PRKN: variants seen among roughly 807,000 people sequenced by gnomAD.
PRKN encodes parkin RBR E3 ubiquitin protein ligase, also known as E3 ubiquitin-protein ligase parkin.
A neutral mutation model predicts 59.5 loss-of-function variants in PRKN; 56 were observed. The observed-to-expected ratio is 0.94, with a 90% CI of 0.76 to 1.18. The LOEUF (loss-of-function observed/expected upper bound fraction) is 1.18. Ranked by LOEUF, PRKN falls within the 50% of genes most tolerant of loss-of-function variation. The pLI, the probability that PRKN is intolerant of heterozygous loss-of-function variation, is 0.00. For missense variants in PRKN, 657 were observed against 596.4 expected (o/e 1.10, Z -1.06); for synonymous variants, 250 against 222.1 (o/e 1.13, Z -1.12).
intron 9 of PRKN, among the ~76,000 whole-genome samples, chr6:161,535,569 C>T (rs1002005762): frequency 6.6e-6 from 1 of 152,200 alleles, no homozygotes; most frequent in Non-Finnish European, 1.5e-5. Flanking sequence ...GCACATCGCA[C>T]CCCGAATACA....
At position 161,524,000 on chromosome 6, in the gene PRKN, A is replaced by C. The variant is rs151188953; in HGVS notation, c.1083+24854T>G. On this transcript the variant is annotated intron_variant, in intron 9 of 11. Transcript: ENST00000366898. ...GAAAAAAATGAACACAATTCAATCC[A>C]TGAATTAAAAAAATTTTTTTTCCTA... 5.3e-5 allele frequency among the ~76,000 whole-genome samples: 8 copies of C among 152,294 alleles called. No homozygotes were observed. The East Asian group carries it at 1.5e-3, about 29-fold the overall frequency.
Position 162,007,712 on chromosome 6 carries a change from A to C in PRKN, c.619-34295T>G, listed in dbSNP as rs1023689094. ...CTTAATGATATGATATTGGAAGGAA[A>C]AAAAATAAGGAAAACGGCTTAGCAT... On this transcript the variant is annotated intron_variant, in intron 5 of 11. Transcript: ENST00000366898. 7.9e-5 allele frequency among the ~76,000 whole-genome samples: 12 copies of C among 152,312 alleles called. No homozygotes were observed. The East Asian group carries it at 2.1e-3, about 27-fold the overall frequency.
At chr6:162,478,399 A>G (rs1792129658) in intron 1 of PRKN, among the ~76,000 whole-genome samples, 1 of 152,186 alleles carries the variant, frequency 6.6e-6, no homozygotes, top group African/African-American at 2.4e-5. Flanking sequence ...ATGTCTGTTC[A>G]TTAAACGCAC....
chr6:162,008,544 C>T (rs1030153813), intron 5 of PRKN, among the ~76,000 whole-genome samples: 1 of 152,138 alleles, frequency 6.6e-6, no homozygotes, highest in Non-Finnish European at 1.5e-5. Context: ...GAAGCTGCAG[C>T]AGGAACTTGA....
At chr6:161,923,870 G>GC (rs1778871723) in intron 6 of PRKN, among the ~76,000 whole-genome samples, 1 of 152,102 alleles carries the variant, frequency 6.6e-6, no homozygotes, top group South Asian at 2.1e-4. Flanking sequence ...TTCCCTGTCT[G>GC]CCTGGTACTC....
chr6:162,439,340 T>C (rs1789938291), intron 2 of PRKN, among the ~76,000 whole-genome samples: 1 of 134,750 alleles, frequency 7.4e-6, no homozygotes, highest in Admixed American at 7.6e-5. Context: ...TACCCCTCCC[T>C]TCTCTCTCTC....
At chr6:162,699,969 T>C (rs9365480) in intron 1 of PRKN, among the ~76,000 whole-genome samples, 1 of 152,144 alleles carries the variant, frequency 6.6e-6, no homozygotes, top group African/African-American at 2.4e-5. Context: ...AGAACCCTGA[T>C]GAACTTCATC....
intron 4 of PRKN, among the ~76,000 whole-genome samples, chr6:162,150,843 AT>A (rs1238228382): frequency 7.2e-5 from 11 of 152,094 alleles, no homozygotes; most frequent in African/African-American, 2.4e-4. Context: ...AGTGTTATTT[AT>A]TCTCCCCCAC....
chr6:162,219,414 A>G (rs1777838465), intron 3 of PRKN, among the ~76,000 whole-genome samples: 1 of 152,136 alleles, frequency 6.6e-6, no homozygotes, highest in Non-Finnish European at 1.5e-5. Context: ...TATTGGCTTT[A>G]TTTCATTTCT....
At chr6:162,583,215 A>G (rs988678763) in intron 1 of PRKN, among the ~76,000 whole-genome samples, 2 of 152,218 alleles carry the variant, frequency 1.3e-5, no homozygotes, top group African/African-American at 4.8e-5. Flanking sequence ...CCCAGCCTCC[A>G]GAAGAGTGGG....
At chr6:162,548,353 G>A (rs535156417) in intron 1 of PRKN, among the ~76,000 whole-genome samples, 2 of 152,236 alleles carry the variant, frequency 1.3e-5, no homozygotes, top group East Asian at 3.9e-4. Flanking sequence ...CACCGTGCCT[G>A]GTCCTCTCTC....
At chr6:162,449,161 A>T (rs1002144596) in intron 1 of PRKN, among the ~76,000 whole-genome samples, 3 of 152,166 alleles carry the variant, frequency 2.0e-5, no homozygotes, top group Non-Finnish European at 4.4e-5. Context: ...TGCTGGTATT[A>T]CAGGCATGAG....
At chr6:161,510,223 C>A (rs1583170392) in intron 9 of PRKN, among the ~76,000 whole-genome samples, 1 of 152,204 alleles carries the variant, frequency 6.6e-6, no homozygotes, top group Admixed American at 6.5e-5. Context: ...GCAGTGGCTA[C>A]TAAAAATGAC....
chr6:162,580,377 T>C (rs1025778479), intron 1 of PRKN, among the ~76,000 whole-genome samples: 2 of 151,578 alleles, frequency 1.3e-5, no homozygotes, highest in Non-Finnish European at 1.5e-5. Flanking sequence ...AGGTGGAGAT[T>C]TCTTTGAGGA....
At chr6:161,672,847 T>C (rs541766295) in intron 7 of PRKN, among the ~76,000 whole-genome samples, 2 of 152,272 alleles carry the variant, frequency 1.3e-5, no homozygotes, top group Admixed American at 6.5e-5. Flanking sequence ...TATGAGCAAT[T>C]TATTTCACAA....
intron 7 of PRKN, among the ~76,000 whole-genome samples, chr6:161,675,016 A>C (rs545505631): frequency 6.6e-6 from 1 of 152,308 alleles, no homozygotes; most frequent in Non-Finnish European, 1.5e-5. Context: ...TTGCCTTAGC[A>C]AGAAGACAGA....
At chr6:161,439,917 T>G (rs1049953964) in intron 9 of PRKN, among the ~76,000 whole-genome samples, 2 of 151,520 alleles carry the variant, frequency 1.3e-5, no homozygotes, top group African/African-American at 4.9e-5. Flanking sequence ...ATCAGTATTT[T>G]GGGCCTAGGT....
chr6:161,963,343 G>A (rs996724460), intron 6 of PRKN, among the ~76,000 whole-genome samples: 1 of 152,182 alleles, frequency 6.6e-6, no homozygotes, highest in Non-Finnish European at 1.5e-5. Flanking sequence ...GAAAAGGTAA[G>A]GCATAAGAAT....
At chr6:162,306,495 A>G (rs373892673) in intron 2 of PRKN, among the ~76,000 whole-genome samples, 41 of 152,174 alleles carry the variant, frequency 2.7e-4, no homozygotes, top group African/African-American at 8.7e-4. Context: ...TAATCCCTAC[A>G]CGTGCTGTAG....
Sources: allele counts gnomAD v4.1 joint callset (sites outside exome capture counted in the v4.1 genomes callset), GRCh38; gene constraint gnomAD v4.1.1; transcripts MANE v1.5; gene names NCBI Gene and HGNC (gene_info 2026-07-23, HGNC 2026-07-21).